The following MINPP1 variants were observed in gnomAD, a reference collection of about 807,000 sequenced individuals.
MINPP1 encodes the protein multiple inositol-polyphosphate phosphatase 1.
MINPP1 carries 28 observed loss-of-function variants against 46.1 expected under a neutral mutation model. The observed-to-expected ratio is 0.61, with a 90% CI of 0.45 to 0.83. The LOEUF is 0.83. MINPP1 is among the 40% of genes least tolerant of loss of function. The pLI is 0.00. For synonymous variants in MINPP1, 268 were observed against 249.1 expected (o/e 1.08, Z -0.72); for missense variants, 603 against 610.0 (o/e 0.99, Z 0.12).
At chr10:87,515,006 A>G (rs1445971879) in intron 3 of MINPP1, among the ~76,000 whole-genome samples, 5 of 150,664 alleles carry the variant, frequency 3.3e-5, no homozygotes, top group African/African-American at 9.8e-5. Flanking sequence ...ATCAGCCACC[A>G]CTCCTGGCCA....
At chr10:87,547,101 T>G (rs1018248811) in intron 4 of MINPP1, among the ~76,000 whole-genome samples, 2 of 152,128 alleles carry the variant, frequency 1.3e-5, no homozygotes, top group African/African-American at 2.4e-5. Flanking sequence ...AGAACTGATT[T>G]GATTTTAAAT....
chr10:87,522,061 T>C (rs1851509715), intron 4 of MINPP1, among the ~76,000 whole-genome samples: 1 of 152,214 alleles, frequency 6.6e-6, no homozygotes, highest in African/African-American at 2.4e-5. Context: ...CTGTATACAT[T>C]TGTTAAGATA....
chr10:87,514,776 C>T (rs969796187), intron 3 of MINPP1, among the ~76,000 whole-genome samples: 8 of 152,022 alleles, frequency 5.3e-5, no homozygotes, highest in Non-Finnish European at 1.0e-4. Flanking sequence ...AGTGCAGTGG[C>T]GCAATCTCAG....
At chr10:87,545,556 T>G (rs1454110095) in intron 4 of MINPP1, among the ~76,000 whole-genome samples, 1 of 152,238 alleles carries the variant, frequency 6.6e-6, no homozygotes, top group Non-Finnish European at 1.5e-5. Context: ...TAAGAAACCT[T>G]ACCTGGACAT....
At chr10:87,513,977 C>T (rs1037456894) in intron 3 of MINPP1, among the ~76,000 whole-genome samples, 11 of 152,144 alleles carry the variant, frequency 7.2e-5, no homozygotes, top group African/African-American at 2.7e-4. Flanking sequence ...ATCACTCAGA[C>T]TTCTGACGGG....
intron 4 of MINPP1, among the ~76,000 whole-genome samples, chr10:87,524,981 TAC>T (rs1459093966): frequency 2.6e-5 from 4 of 152,032 alleles, no homozygotes; most frequent in Non-Finnish European, 5.9e-5. Flanking sequence ...TAAAATGTGA[TAC>T]ATTACTAAAA....
rs575470441 is a variant in MINPP1 at position 87,553,330 on chromosome 10, G to A, written c.*852G>A. 2.6e-5 allele frequency: 4 copies of A among 151,820 alleles called. No homozygotes were observed. The highest frequency in any genetic ancestry group is 4.4e-5 in the Non-Finnish European group (3 of 67,942). The allele number at this position is 151,820 out of a possible 1,614,324, so 9.4% of individuals were successfully genotyped here. ...TCTTTCTTTCTTTGTAAATAGTTCT[G>A]AGTTCTGTCAAATGCCGTGAAAGTA... On this transcript the variant is annotated 3_prime_UTR_variant, in exon 5 of 5. Coordinates refer to ENST00000371996, the MANE Select transcript of MINPP1 (RefSeq NM_004897.5).
At chr10:87,536,665 T>G (rs1009767376) in intron 4 of MINPP1, among the ~76,000 whole-genome samples, 1 of 152,206 alleles carries the variant, frequency 6.6e-6, no homozygotes, top group Non-Finnish European at 1.5e-5. Flanking sequence ...TGAATTTTTT[T>G]TTGTTGGGCT....
At chr10:87,513,022 A>AT in intron 2 of MINPP1, 102 bp from the exon 3 acceptor site, 1 of 815,666 alleles carries the variant, frequency 1.2e-6, no homozygotes, top group Non-Finnish European at 2.1e-6. Context: ...GAAGATGTCC[A>AT]TTTTATTGAG....
At chr10:87,520,349 A>G (rs1174349098) in intron 3 of MINPP1, among the ~76,000 whole-genome samples, 1 of 152,068 alleles carries the variant, frequency 6.6e-6, no homozygotes, top group Non-Finnish European at 1.5e-5. Flanking sequence ...TCCTCTGTGA[A>G]TATCACTTTA....
At chr10:87,506,021 T>C (rs939617792) in intron 1 of MINPP1, among the ~76,000 whole-genome samples, 21 of 120,048 alleles carry the variant, frequency 1.7e-4, no homozygotes, top group African/African-American at 6.2e-4. Flanking sequence ...TCCTTCTTTC[T>C]TTTTTTTTTT....
intron 4 of MINPP1, among the ~76,000 whole-genome samples, chr10:87,523,576 G>A (rs1851533598): frequency 1.3e-5 from 2 of 150,888 alleles, no homozygotes; most frequent in Admixed American, 1.3e-4. Context: ...AGCCAGGATG[G>A]TCTCGATCTC....
At chr10:87,529,753 C>T (rs1314823620) in intron 4 of MINPP1, among the ~76,000 whole-genome samples, 1 of 152,152 alleles carries the variant, frequency 6.6e-6, no homozygotes, top group Non-Finnish European at 1.5e-5. Context: ...GTTGGCCTGC[C>T]TTGCTAGGTT....
At chr10:87,527,881 C>T (rs1268210504) in intron 4 of MINPP1, among the ~76,000 whole-genome samples, 1 of 152,176 alleles carries the variant, frequency 6.6e-6, no homozygotes, top group Non-Finnish European at 1.5e-5. Flanking sequence ...GCCTCAATTT[C>T]AGAGCCTGCT....
At chr10:87,506,801 G>A (rs1350393931) in intron 1 of MINPP1, among the ~76,000 whole-genome samples, 1 of 152,204 alleles carries the variant, frequency 6.6e-6, no homozygotes, top group African/African-American at 2.4e-5. Flanking sequence ...AATTTCTTCT[G>A]TAGCTGTTGA....
chr10:87,551,133 T>C (rs977999461), intron 4 of MINPP1, among the ~76,000 whole-genome samples: 1 of 152,132 alleles, frequency 6.6e-6, no homozygotes, highest in South Asian at 2.1e-4. Flanking sequence ...CACCTAGTTA[T>C]GTTGTAAATG....
intron 4 of MINPP1, among the ~76,000 whole-genome samples, chr10:87,521,398 T>TA (rs1219669363): frequency 6.6e-6 from 1 of 152,172 alleles, no homozygotes; most frequent in African/African-American, 2.4e-5. Context: ...TTTGTTTACT[T>TA]ATGTGTTCCT....
intron 4 of MINPP1, among the ~76,000 whole-genome samples, chr10:87,539,956 T>TC (rs1214388447): frequency 6.6e-6 from 1 of 152,246 alleles, no homozygotes; most frequent in East Asian, 1.9e-4. Context: ...ATCCTCGACT[T>TC]CCTGGGCTCA....
chr10:87,529,243 C>T (rs1325169291), intron 4 of MINPP1, among the ~76,000 whole-genome samples: 3 of 152,240 alleles, frequency 2.0e-5, no homozygotes, highest in South Asian at 2.1e-4. Context: ...TGAATTTGAT[C>T]GTGTCATTAT....
Sources: allele counts gnomAD v4.1 joint callset (sites outside exome capture counted in the v4.1 genomes callset), GRCh38; gene constraint gnomAD v4.1.1; transcripts MANE v1.5; gene names NCBI Gene and HGNC (gene_info 2026-07-23, HGNC 2026-07-21).